The following MGAT5 variants were observed in gnomAD, a reference collection of about 807,000 sequenced individuals.
MGAT5 encodes the protein alpha-1,6-mannosylglycoprotein 6-beta-N-acetylglucosaminyltransferase A.
In MGAT5, 30 loss-of-function variants were observed where a neutral mutation model predicts 94.3. That is an observed-to-expected ratio of 0.32 (90% CI 0.24 to 0.43). The LOEUF is 0.43. MGAT5 is among the 20% of genes least tolerant of loss of function. The pLI is 1.00. For synonymous variants in MGAT5, 310 were observed against 322.9 expected, an observed-to-expected ratio of 0.96 and a Z score of 0.43; for missense variants, 691 against 905.5, an observed-to-expected ratio of 0.76 and a Z score of 3.04.
chr2:134,175,530 A>G (rs919254549), intron 1 of MGAT5, among the ~76,000 whole-genome samples: 2 of 152,022 alleles, frequency 1.3e-5, no homozygotes, highest in African/African-American at 4.8e-5. Flanking sequence ...ACTGCCATCT[A>G]TTTCCCCTCT....
chr2:134,414,518 G>A (rs1156663367), intron 12 of MGAT5, among the ~76,000 whole-genome samples: 2 of 152,068 alleles, frequency 1.3e-5, no homozygotes, highest in African/African-American at 4.8e-5. Flanking sequence ...ATATGCTTAA[G>A]GTGTACACCT....
Position 134,449,302 on chromosome 2 carries a change from A to G in MGAT5, c.*455A>G. 1 of 209,724 alleles carries G rather than the reference A, an allele frequency of 4.8e-6. No individual in the cohort carries two copies. The highest frequency in any genetic ancestry group is 5.3e-5 in the Admixed American group (1 of 19,042). 13.0% of individuals were successfully genotyped at this position (209,724 alleles called of 1,614,324 possible). ...GAGGGATTGATCACAGGCTTCTTTT[A>G]TTTCCACTGTTAATCATCCACCTTC... On this transcript the variant is annotated 3_prime_UTR_variant, in exon 16 of 16. Transcript: ENST00000281923.
chr2:134,343,303 T>A (rs1019681190), intron 7 of MGAT5, among the ~76,000 whole-genome samples: 4 of 152,140 alleles, frequency 2.6e-5, no homozygotes, highest in South Asian at 2.1e-4. Flanking sequence ...TGAAACCAAT[T>A]TTTTTCATCA....
At chr2:134,233,127 TG>T (rs1681456202) in intron 1 of MGAT5, among the ~76,000 whole-genome samples, 1 of 152,208 alleles carries the variant, frequency 6.6e-6, no homozygotes, top group African/African-American at 2.4e-5. Flanking sequence ...AATCTGACTT[TG>T]TTTTTTGTAG....
intron 1 of MGAT5, among the ~76,000 whole-genome samples, chr2:134,236,720 A>T (rs1382982119): frequency 6.6e-6 from 1 of 152,196 alleles, no homozygotes; most frequent in Non-Finnish European, 1.5e-5. Flanking sequence ...ATACAGGGAC[A>T]CGCCAATAGG....
At chr2:134,206,521 A>G (rs553452966) in intron 1 of MGAT5, among the ~76,000 whole-genome samples, 1 of 152,194 alleles carries the variant, frequency 6.6e-6, no homozygotes, top group Non-Finnish European at 1.5e-5. Flanking sequence ...TTCTGGAGGT[A>G]AGAAATCTGA....
At chr2:134,263,915 TAA>T (rs201242939) in intron 1 of MGAT5, among the ~76,000 whole-genome samples, 21,422 of 146,434 alleles carry the variant, frequency 0.15, 2,517 homozygotes, top group East Asian at 0.36. Context: ...TTTAGTTCTT[TAA>T]AAAAAAAAAG....
intron 1 of MGAT5, among the ~76,000 whole-genome samples, chr2:134,255,892 GT>G (rs1273974261): frequency 6.6e-6 from 1 of 152,118 alleles, no homozygotes; most frequent in Non-Finnish European, 1.5e-5. Context: ...AGTTATACAT[GT>G]GCTTCTTTCT....
intron 3 of MGAT5, 77 bp downstream of exon 3, chr2:134,317,682 G>A (rs1687077643): frequency 1.0e-6 from 1 of 990,710 alleles, no homozygotes; most frequent in Non-Finnish European, 1.4e-6. Context: ...TTCCTCCTCA[G>A]TGACACAAAT....
At chr2:134,139,090 C>T (rs1022064187) in intron 1 of MGAT5, among the ~76,000 whole-genome samples, 3 of 152,246 alleles carry the variant, frequency 2.0e-5, no homozygotes, top group East Asian at 1.9e-4. Context: ...TAAGGCTAGG[C>T]GAAAGGTTTT....
In MGAT5 at chr2:134,264,032, T is replaced by TA. The variant is rs1261637519; in HGVS notation, c.242-6354_242-6353insA. On this transcript the variant is annotated intron_variant, in intron 1 of 15. Coordinates refer to ENST00000281923, the MANE Select transcript of MGAT5 (RefSeq NM_002410.5). The stretch of plus-strand genomic sequence containing the variant: ...ATGCCATTAGGTTTTTTTTTTTTTT[T>TA]TTTTTTTGAGATGGAGTTTCACTCT... Among the ~76,000 whole-genome samples, 238 of 149,186 alleles carry TA rather than the reference T, an allele frequency of 1.6e-3. 3 individuals carry two copies. Among genetic ancestry groups the TA allele is most frequent in the African/African-American group, 5.3e-3 (214 of 40,412 alleles).
At chr2:134,161,665 G>A (rs1687740459) in intron 1 of MGAT5, among the ~76,000 whole-genome samples, 1 of 152,140 alleles carries the variant, frequency 6.6e-6, no homozygotes, top group African/African-American at 2.4e-5. Flanking sequence ...TTGGCTGGGG[G>A]CTTTTCATGG....
chr2:134,435,058 G>A (rs1315686168), intron 14 of MGAT5, among the ~76,000 whole-genome samples: 3 of 151,836 alleles, frequency 2.0e-5, no homozygotes, highest in Admixed American at 6.6e-5. Flanking sequence ...TCTCTCCTGT[G>A]CTGTTGCGGC....
intron 1 of MGAT5, among the ~76,000 whole-genome samples, chr2:134,169,010 C>T (rs947040551): frequency 1.3e-5 from 2 of 152,134 alleles, no homozygotes; most frequent in African/African-American, 4.8e-5. Context: ...AATTGCCCAC[C>T]TTTGTCCTGT....
At chr2:134,150,598 G>T (rs759760296) in intron 1 of MGAT5, among the ~76,000 whole-genome samples, 3 of 152,216 alleles carry the variant, frequency 2.0e-5, no homozygotes, top group African/African-American at 7.2e-5. Flanking sequence ...CACTCTGCAG[G>T]TTGGGCCTCT....
intron 1 of MGAT5, among the ~76,000 whole-genome samples, chr2:134,144,465 C>T (rs903261151): frequency 2.0e-5 from 3 of 152,052 alleles, no homozygotes; most frequent in African/African-American, 7.3e-5. Flanking sequence ...GAGAACTCCG[C>T]CCCCCTGATC....
At chr2:134,148,190 C>T (rs1484197574) in intron 1 of MGAT5, among the ~76,000 whole-genome samples, 1 of 152,220 alleles carries the variant, frequency 6.6e-6, no homozygotes, top group East Asian at 1.9e-4. Context: ...CATCAGATTG[C>T]TGGGGGAGTC....
At chr2:134,207,352 C>T (rs1011725696) in intron 1 of MGAT5, among the ~76,000 whole-genome samples, 5 of 152,138 alleles carry the variant, frequency 3.3e-5, no homozygotes, top group Non-Finnish European at 7.3e-5. Flanking sequence ...ACAGAGACAT[C>T]TTTAGGAGCT....
chr2:134,442,022 T>C, intron 15 of MGAT5, 107 bp downstream of exon 15: 1 of 1,305,144 alleles, frequency 7.7e-7, no homozygotes, highest in South Asian at 1.4e-5. Context: ...TACTGGGCTG[T>C]GGGGATAAGG....
Sources: gnomAD v4.1 joint callset for allele counts (sites outside exome capture counted in the v4.1 genomes callset) on GRCh38, gnomAD v4.1.1 for gene constraint, MANE v1.5 for transcripts, NCBI Gene and HGNC (gene_info 2026-07-23, HGNC 2026-07-21) for gene names.